DOCK2: variants seen among roughly 807,000 people sequenced by gnomAD.
DOCK2 encodes dedicator of cytokinesis 2.
A neutral mutation model predicts 248.9 loss-of-function variants in DOCK2; 87 were observed. The observed-to-expected ratio is 0.35, with a 90% CI of 0.29 to 0.42. The LOEUF is 0.42. Ranked by LOEUF, DOCK2 falls within the 10% of genes least tolerant of loss-of-function variation. The pLI is 1.00. For synonymous variants in DOCK2, 805 were observed against 821.6 expected (o/e 0.98, Z 0.35); for missense variants, 1,747 against 2,300.2 (o/e 0.76, Z 4.92).
At chr5:170,021,586 T>C (rs1292020399) in intron 33 of DOCK2, among the ~76,000 whole-genome samples, 1 of 152,178 alleles carries the variant, frequency 6.6e-6, no homozygotes, top group Non-Finnish European at 1.5e-5. Context: ...CCCACCTGTT[T>C]TCTCCGTATA....
chr5:169,769,923 T>C (rs902073671), intron 25 of DOCK2, among the ~76,000 whole-genome samples: 1 of 152,238 alleles, frequency 6.6e-6, no homozygotes, highest in Non-Finnish European at 1.5e-5. Context: ...AGTTTTGTTT[T>C]ATTTACGTTC....
intron 1 of DOCK2, among the ~76,000 whole-genome samples, chr5:169,643,291 A>T (rs541167584): frequency 6.6e-6 from 1 of 152,024 alleles, no homozygotes; most frequent in African/African-American, 2.4e-5. Context: ...AGAAAGTATG[A>T]CCGCCAATGT....
At chr5:170,079,954 C>A in intron 49 of DOCK2, 1 of 635,658 alleles carries the variant, frequency 1.6e-6, no homozygotes, top group Non-Finnish European at 2.5e-6. Context: ...ATGTCCGCCA[C>A]CCCCGCCTGT....
intron 27 of DOCK2, among the ~76,000 whole-genome samples, chr5:169,882,077 G>A (rs1006760839): frequency 5.9e-5 from 9 of 152,138 alleles, no homozygotes; most frequent in South Asian, 2.1e-4. Flanking sequence ...GGGCCAGCCC[G>A]TCATCAAAGT....
At chr5:169,736,560 T>TG (rs1763053538) in intron 22 of DOCK2, among the ~76,000 whole-genome samples, 1 of 152,238 alleles carries the variant, frequency 6.6e-6, no homozygotes. Context: ...TGCCCAGATT[T>TG]TCTACCTGGG....
At chr5:169,916,773 T>C (rs1384509184) in intron 27 of DOCK2, among the ~76,000 whole-genome samples, 1 of 152,194 alleles carries the variant, frequency 6.6e-6, no homozygotes, top group Non-Finnish European at 1.5e-5. Flanking sequence ...AGTCATTTGA[T>C]TTTCAGAATA....
intron 27 of DOCK2, among the ~76,000 whole-genome samples, chr5:169,948,529 TA>T (rs959951426): frequency 1.3e-5 from 2 of 152,020 alleles, no homozygotes; most frequent in Admixed American, 1.3e-4. Flanking sequence ...TAGAAACACA[TA>T]TACATTTATA....
chr5:169,653,220 C>G (rs1360181601), intron 1 of DOCK2, among the ~76,000 whole-genome samples: 1 of 152,038 alleles, frequency 6.6e-6, no homozygotes, highest in African/African-American at 2.4e-5. Flanking sequence ...TTATTAGGAT[C>G]CACACTGATA....
intron 48 of DOCK2, among the ~76,000 whole-genome samples, chr5:170,078,381 G>T (rs1467960482): frequency 6.6e-6 from 1 of 152,154 alleles, no homozygotes; most frequent in Non-Finnish European, 1.5e-5. Context: ...TGCCCAGAGG[G>T]AAAAGGATGG....
chr5:169,773,149 T>C (rs1765189162), intron 25 of DOCK2: 1 of 152,184 alleles, frequency 6.6e-6, no homozygotes, highest in African/African-American at 2.4e-5. Flanking sequence ...TGTTCTGATG[T>C]GACAGATTGC....
chr5:169,838,307 C>T (rs1018425758), intron 26 of DOCK2, among the ~76,000 whole-genome samples: 1 of 152,260 alleles, frequency 6.6e-6, no homozygotes, highest in East Asian at 1.9e-4. Context: ...ATCCTTTCTC[C>T]CTTCCTCACT....
intron 27 of DOCK2, among the ~76,000 whole-genome samples, chr5:169,970,610 G>T (rs554023248): frequency 6.6e-6 from 1 of 152,254 alleles, no homozygotes; most frequent in South Asian, 2.1e-4. Flanking sequence ...TGGCTTGCAG[G>T]GTAGTTCCCA....
At chr5:170,038,421 G>A (rs1756395354) in intron 36 of DOCK2, among the ~76,000 whole-genome samples, 1 of 152,134 alleles carries the variant, frequency 6.6e-6, no homozygotes, top group African/African-American at 2.4e-5. Context: ...GTTCTGTTTG[G>A]CAGGCAGAAT....
chr5:169,857,071 T>G (rs1238585724), intron 27 of DOCK2, among the ~76,000 whole-genome samples: 1 of 152,238 alleles, frequency 6.6e-6, no homozygotes, highest in Non-Finnish European at 1.5e-5. Flanking sequence ...CTTTTCATTT[T>G]AGTTCTGCTT....
At chr5:169,968,508 G>A (rs1458437909) in intron 27 of DOCK2, among the ~76,000 whole-genome samples, 2 of 152,152 alleles carry the variant, frequency 1.3e-5, no homozygotes, top group Non-Finnish European at 2.9e-5. Flanking sequence ...AAGAAACATT[G>A]GGGGGTCAAT....
At chr5:169,859,118 A>T (rs1416855839) in intron 27 of DOCK2, among the ~76,000 whole-genome samples, 1 of 152,222 alleles carries the variant, frequency 6.6e-6, no homozygotes, top group Non-Finnish European at 1.5e-5. Context: ...GGTTTAGAAC[A>T]GGATGCCCAC....
chr5:169,687,444 GGA>G, intron 8 of DOCK2, among the ~76,000 whole-genome samples: 1 of 152,118 alleles, frequency 6.6e-6, no homozygotes, highest in Non-Finnish European at 1.5e-5. Flanking sequence ...AGGGGTGACT[GGA>G]GAGAGAGGAA....
At chr5:169,654,971 CTCTT>C (rs1239137792) in intron 2 of DOCK2, among the ~76,000 whole-genome samples, 1 of 152,206 alleles carries the variant, frequency 6.6e-6, no homozygotes, top group Non-Finnish European at 1.5e-5. Context: ...GTGGTGGCAT[CTCTT>C]TCTTTCTCCT....
chr5:169,655,352 T>C (rs368730557), intron 2 of DOCK2, among the ~76,000 whole-genome samples: 49 of 152,238 alleles, frequency 3.2e-4, no homozygotes, highest in African/African-American at 1.2e-3. Context: ...AGAGAGTGTA[T>C]TGAGCACATA....
Sources: allele counts gnomAD v4.1 joint callset (sites outside exome capture counted in the v4.1 genomes callset), GRCh38; gene constraint gnomAD v4.1.1; transcripts MANE v1.5; gene names NCBI Gene and HGNC (gene_info 2026-07-23, HGNC 2026-07-21).